The following ANO6 variants were observed in gnomAD, a reference collection of about 807,000 sequenced individuals.
ANO6 encodes anoctamin 6, also known as anoctamin-6.
In ANO6, 106 loss-of-function variants were observed where a neutral mutation model predicts 117.5. The observed-to-expected ratio is 0.90, with a 90% CI of 0.77 to 1.06. The LOEUF (loss-of-function observed/expected upper bound fraction) is 1.06, where lower values mean the gene tolerates loss of function less well. Ranked by LOEUF, ANO6 falls within the 50% of genes least tolerant of loss-of-function variation. ANO6 has a pLI of 0.00. For missense variants in ANO6, 955 were observed against 1,121.1 expected, an observed-to-expected ratio of 0.85 and a Z score of 2.12; for synonymous variants, 367 against 385.1, an observed-to-expected ratio of 0.95 and a Z score of 0.55.
At chr12:45,378,811 G>A (rs1481243913) in intron 10 of ANO6, among the ~76,000 whole-genome samples, 1 of 152,126 alleles carries the variant, frequency 6.6e-6, no homozygotes, top group African/African-American at 2.4e-5. Context: ...GATTATGGGT[G>A]AGCTTTCTTT....
chr12:45,432,428 G>T, downstream of ANO6: 5 of 461,142 alleles, frequency 1.1e-5, no homozygotes, highest in Non-Finnish European at 1.4e-5. Context: ...GGCCAGTTGT[G>T]TATCACTTAG....
chr12:45,338,437 T>G (rs1940887327), intron 3 of ANO6, among the ~76,000 whole-genome samples: 3 of 152,196 alleles, frequency 2.0e-5, no homozygotes, highest in African/African-American at 7.2e-5. Flanking sequence ...ATTGGAAACT[T>G]GAGCCTCATG....
Position 45,409,471 on chromosome 12 carries a change from T to C in ANO6, c.1995T>C (p.Tyr665=), listed in dbSNP as rs752522983. ...LQPMGKLGLF[Y]EYLEMIIQFG... ...CTATGGGCAAACTGGGATTATTTTATGAATATCTTGAAATGAGTAAGTTGT... is the reference window on the plus strand; with the variant it reads ...CTATGGGCAAACTGGGATTATTTTACGAATATCTTGAAATGAGTAAGTTGT... Residue 665 remains tyrosine, a synonymous_variant, in exon 16 of 20, where the codon TAT becomes TAC. Transcript: ENST00000320560. 1.2e-6 allele frequency: 2 copies of C among 1,613,830 alleles called. No individual in the cohort carries two copies. The highest frequency in any genetic ancestry group is 2.7e-5 in the African/African-American group (2 of 75,058).
intron 1 of ANO6, among the ~76,000 whole-genome samples, chr12:45,221,871 C>T (rs536240090): frequency 2.0e-3 from 304 of 149,166 alleles, no homozygotes; most frequent in African/African-American, 7.0e-3. Flanking sequence ...TCTCCCTCCC[C>T]GACTCCTTTT....
chr12:45,432,159 A>T lies in ANO6; in HGVS notation c.*2848A>T. On this transcript the variant is annotated 3_prime_UTR_variant, in exon 20 of 20. Transcript: ENST00000320560. Reference sequence around the variant, plus strand: ...ATTATGTTTGAGAGGGTAAAAATGTATGAGCAGCTTAACTGAAGTAGAACT... The same window carrying T: ...ATTATGTTTGAGAGGGTAAAAATGTTTGAGCAGCTTAACTGAAGTAGAACT... 2 of 985,382 alleles carry T rather than the reference A, an allele frequency of 2.0e-6. No individual in the cohort carries two copies. The highest frequency in any genetic ancestry group is 2.4e-6 in the Non-Finnish European group (2 of 829,866). 61.0% of individuals were successfully genotyped at this position (985,382 alleles called of 1,614,324 possible). A position where few individuals can be genotyped will look rare whatever the true frequency, so the allele number is the denominator to read the frequency against.
Position 45,347,126 on chromosome 12 carries a change from G to A in ANO6, c.345+39G>A, listed in dbSNP as rs1941155782. On this transcript the variant is annotated intron_variant, in intron 4 of 19. Coordinates refer to ENST00000320560, the MANE Select transcript of ANO6 (RefSeq NM_001025356.3). ...CCTTTTCAGCCCTCGGCTGACCACT[G>A]TTCTCGGGCAGCTTCGTGCCACTTG... The A allele has an allele frequency of 3.1e-6, 5 of 1,601,044 alleles. No homozygotes were observed. In the East Asian group the frequency reaches 1.1e-4, roughly 36 times the overall value.
chr12:45,389,403 AAGT>A (rs1942383060), intron 11 of ANO6, among the ~76,000 whole-genome samples: 1 of 152,254 alleles, frequency 6.6e-6, no homozygotes, highest in Non-Finnish European at 1.5e-5. Flanking sequence ...GATGTTTATG[AAGT>A]AGTTTGAGCA....
intron 2 of ANO6, among the ~76,000 whole-genome samples, chr12:45,322,904 C>T (rs1451844954): frequency 6.6e-6 from 1 of 152,136 alleles, no homozygotes; most frequent in African/African-American, 2.4e-5. Flanking sequence ...AGAATGCTTC[C>T]TTTTTTCCAA....
chr12:45,293,003 C>CT, intron 1 of ANO6: 11 of 1,538,408 alleles, frequency 7.2e-6, no homozygotes, highest in Non-Finnish European at 7.9e-6. Context: ...GGGGAGGCTC[C>CT]TTTTTTATAA....
chr12:45,263,914 C>G (rs1938130113), intron 1 of ANO6, among the ~76,000 whole-genome samples: 2 of 152,174 alleles, frequency 1.3e-5, no homozygotes, highest in Admixed American at 1.3e-4. Flanking sequence ...TAAAAGTAGC[C>G]TATTTTTTCC....
At chr12:45,246,276 G>A (rs1947823967) in intron 1 of ANO6, among the ~76,000 whole-genome samples, 1 of 152,174 alleles carries the variant, frequency 6.6e-6, no homozygotes, top group South Asian at 2.1e-4. Flanking sequence ...ACAGTTTGGA[G>A]CCAATGAGTA....
rs181653061 is a variant in ANO6 at position 45,353,955 on chromosome 12, T to C, written c.863+3181T>C. The stretch of plus-strand genomic sequence containing the variant: ...TATGCAGAGCATAGAGCAAAACTTA[T>C]AAAGGGATAGAAAAGGGGGAAAAGA... On this transcript the variant is annotated intron_variant, in intron 7 of 19. Transcript: ENST00000320560. 2.0e-5 allele frequency among the ~76,000 whole-genome samples: 3 copies of C among 152,094 alleles called. No homozygotes were observed. The East Asian group carries it at 5.8e-4, about 29-fold the overall frequency.
chr12:45,372,076 G>A (rs1941856894), intron 9 of ANO6, among the ~76,000 whole-genome samples: 1 of 151,414 alleles, frequency 6.6e-6, no homozygotes, highest in African/African-American at 2.5e-5. Flanking sequence ...AGAAGCCTCA[G>A]GAGCTGATGC....
At chr12:45,415,099 A>T (rs563740723) in intron 16 of ANO6, among the ~76,000 whole-genome samples, 30 of 152,266 alleles carry the variant, frequency 2.0e-4, no homozygotes, top group African/African-American at 7.2e-4. Context: ...TGGGATTACT[A>T]ACAGAATTTA....
intron 2 of ANO6, among the ~76,000 whole-genome samples, chr12:45,319,095 A>C (rs929223085): frequency 8.5e-5 from 13 of 152,216 alleles, no homozygotes; most frequent in African/African-American, 3.1e-4. Context: ...TTCCTAATTG[A>C]ATGTCCTTTA....
chr12:45,337,931 T>TG (rs963072628), intron 3 of ANO6, among the ~76,000 whole-genome samples: 1 of 151,646 alleles, frequency 6.6e-6, no homozygotes, highest in African/African-American at 2.4e-5. Context: ...AGGAGGGAAG[T>TG]GGAAAAAAAG....
intron 1 of ANO6, among the ~76,000 whole-genome samples, chr12:45,250,477 C>T (rs146385503): frequency 7.0e-4 from 107 of 152,254 alleles, no homozygotes; most frequent in African/African-American, 2.3e-3. Flanking sequence ...ACTGCAGCGT[C>T]GAACTCCTGG....
chr12:45,358,268 A>C (rs570137826), intron 8 of ANO6, among the ~76,000 whole-genome samples: 1 of 152,320 alleles, frequency 6.6e-6, no homozygotes, highest in Admixed American at 6.5e-5. Context: ...GGCAGCCCTG[A>C]TGGATAGACA....
In ANO6 at chr12:45,350,774, G is replaced by C. The variant is rs754290451; in HGVS notation, c.863G>C (p.Arg288Thr). ...IYKKQPLDLI[R>T]KYYGEKIGIY... ...AAAAAGCAGCCCTTGGATCTTATCA[G>C]GTGAGGGGTTGTAGGGAGTACTCCA... The change falls in exon 7 of 20, where the codon AGG becomes ACG. Residue 288 changes from arginine (R) to threonine (T), a missense_variant and splice_region_variant. Transcript: ENST00000320560. 1 of 1,612,440 alleles carries C rather than the reference G, an allele frequency of 6.2e-7. No homozygotes were observed. Among genetic ancestry groups the C allele is most frequent in the Admixed American group, 1.7e-5 (1 of 59,944 alleles).
Sources: gnomAD v4.1 joint callset for allele counts (sites outside exome capture counted in the v4.1 genomes callset) on GRCh38, gnomAD v4.1.1 for gene constraint, MANE v1.5 for transcripts, NCBI Gene and HGNC (gene_info 2026-07-23, HGNC 2026-07-21) for gene names.